The following C14orf180 variants were observed in gnomAD, a reference collection of about 807,000 sequenced individuals.
C14orf180 encodes the protein nutritionally-regulated adipose and cardiac enriched protein homolog.
In C14orf180, 13 loss-of-function variants were observed where a neutral mutation model predicts 13.9. That is an observed-to-expected ratio of 0.94 (90% CI 0.61 to 1.49). The LOEUF (loss-of-function observed/expected upper bound fraction) is 1.49. C14orf180 is among the 40% of genes most tolerant of loss of function. The pLI is 0.00. For missense variants in C14orf180, 238 were observed against 232.0 expected (o/e 1.03, Z -0.17); for synonymous variants, 113 against 106.3 (o/e 1.06, Z -0.39).
chr14:104,582,006 C>T (rs1886454319), intron 1 of C14orf180, among the ~76,000 whole-genome samples: 1 of 152,150 alleles, frequency 6.6e-6, no homozygotes, highest in Non-Finnish European at 1.5e-5. Context: ...GCCGCACGCT[C>T]AGAGCCGAGG....
chr14:104,580,882 C>T lies in C14orf180; in HGVS notation c.-17+879C>T, dbSNP rs180723946. Among the ~76,000 whole-genome samples the T allele has an allele frequency of 1.4e-3, 206 of 152,354 alleles. 1 individual carries two copies. Among genetic ancestry groups the T allele is most frequent in the Non-Finnish European group, 2.2e-3 (150 of 68,026 alleles). ...CTCTCGAGGCCTAGGGTGGCCCCTGCACCCAGCAGATGAGCAGCCATCACC... is the reference window on the plus strand; with the variant it reads ...CTCTCGAGGCCTAGGGTGGCCCCTGTACCCAGCAGATGAGCAGCCATCACC... On this transcript the variant is annotated intron_variant, in intron 1 of 4. Coordinates refer to ENST00000557649, the MANE Select transcript of C14orf180 (RefSeq NM_001008404.3).
Position 104,588,936 on chromosome 14 carries a change from G to A in C14orf180, c.*153G>A, listed in dbSNP as rs1002169519. ...GGCTAACTAGGAAAAGGGGGACCCC[G>A]TGGCGTGAGATCGGACATGGGGGGC... is the stretch of plus-strand genomic sequence containing the variant. On this transcript the variant is annotated 3_prime_UTR_variant, in exon 5 of 5. Transcript: ENST00000557649. 6.1e-5 allele frequency: 87 copies of A among 1,422,448 alleles called. No homozygotes were observed. The highest frequency in any genetic ancestry group is 1.6e-4 in the South Asian group (11 of 67,390). 88.1% of individuals were successfully genotyped at this position (1,422,448 alleles called of 1,614,324 possible).
chr14:104,588,134 T>C (rs555689482), intron 3 of C14orf180, 140 bp from the exon 4 acceptor site: 1 of 1,055,424 alleles, frequency 9.5e-7, no homozygotes, highest in Non-Finnish European at 1.5e-6. Context: ...TTTGAGGAAG[T>C]GTCAGGACCG....
Position 104,585,880 on chromosome 14 carries a change from A to G in C14orf180, c.-16-535A>G, listed in dbSNP as rs58323872. On this transcript the variant is annotated intron_variant, in intron 1 of 4. Transcript: ENST00000557649. ...CCGTGCTGAGGGGTGGGCCCCCAGGAGCCCAGGGGCGCCCCACCAGCACCA... is the reference window on the plus strand; with the variant it reads ...CCGTGCTGAGGGGTGGGCCCCCAGGGGCCCAGGGGCGCCCCACCAGCACCA... Among the ~76,000 whole-genome samples, 647 of 152,186 alleles carry G rather than the reference A, an allele frequency of 4.3e-3. 11 individuals are homozygous for G. Among genetic ancestry groups the G allele is most frequent in the African/African-American group, 0.015 (617 of 41,524 alleles).
chr14:104,588,452 A>G, intron 4 of C14orf180, 126 bp from the exon 5 acceptor site: 2 of 1,484,002 alleles, frequency 1.3e-6, no homozygotes, highest in South Asian at 2.4e-5. Flanking sequence ...AGGAGACCCC[A>G]AGAGGCTAGG....
At chr14:104,588,444 G>A (rs1596291294) in intron 4 of C14orf180, 134 bp from the exon 5 acceptor site, 4 of 1,478,006 alleles carry the variant, frequency 2.7e-6, no homozygotes, top group Admixed American at 3.6e-5. Flanking sequence ...TTGTTGCAAG[G>A]AGACCCCAAG....
rs551533382 is a variant in C14orf180, at chr14:104,589,046, T to C, written c.*263T>C. On this transcript the variant is annotated 3_prime_UTR_variant, in exon 5 of 5. Transcript: ENST00000557649. The surrounding 1 kb of genome is among the most constrained non-coding windows in gnomAD (Gnocchi z 4.9). ...ATGTGAGATTTTATTAGAAAGAGGA[T>C]TCGACTGCTAACAGTTGAGGCTCCC... 4.8e-4 allele frequency: 326 copies of C among 675,042 alleles called. 1 individual carries two copies. In the African/African-American group the frequency reaches 5.2e-3, roughly 11 times the overall value. 41.8% of individuals were successfully genotyped at this position (675,042 alleles called of 1,614,324 possible). A position where few individuals can be genotyped will look rare whatever the true frequency, so the allele number is the denominator to read the frequency against.
At chr14:104,588,548 G>C (rs1886719625) in intron 4 of C14orf180, 30 bp from the exon 5 acceptor site, 2 of 1,442,524 alleles carry the variant, frequency 1.4e-6, no homozygotes, top group African/African-American at 1.4e-5. Context: ...GCGCTGGCTG[G>C]CGCTGACCCT....
intron 1 of C14orf180, among the ~76,000 whole-genome samples, chr14:104,581,842 C>T (rs116843269): frequency 2.0e-5 from 3 of 152,238 alleles, no homozygotes; most frequent in East Asian, 3.9e-4. Flanking sequence ...AGCCTGCACT[C>T]GCTCAGGCCC....
chr14:104,588,601 G>A lies in C14orf180; in HGVS notation c.301G>A (p.Gly101Ser), dbSNP rs774899365. 95 of 1,471,730 alleles carry A rather than the reference G, an allele frequency of 6.5e-5. 1 individual carries two copies. The East Asian group carries it at 7.5e-4, about 12-fold the overall frequency. 91.2% of individuals were successfully genotyped at this position (1,471,730 alleles called of 1,614,324 possible). Residue 101 changes from glycine to serine, a missense_variant, in exon 5 of 5, where the codon GGC (glycine) becomes AGC (serine). Physicochemically the swap from Gly to Ser is moderately conservative, Grantham distance 56. Transcript: ENST00000557649. The part of the protein sequence containing the change: ...VRVPGRPRPH[G>S]GSLLLQLCVC... ...AGTGCCCGGCCGGCCCAGGCCACAC[G>A]GCGGCTCCCTGCTCCTGCAGCTGTG... is the stretch of plus-strand genomic sequence containing the variant.
intron 1 of C14orf180, among the ~76,000 whole-genome samples, chr14:104,585,602 C>T (rs550936317): frequency 5.9e-4 from 89 of 151,936 alleles, no homozygotes; most frequent in African/African-American, 1.9e-3. Flanking sequence ...GAGGAGGGGA[C>T]AGAGAGACAG....
At position 104,589,191 on chromosome 14, in the gene C14orf180, G is replaced by C; in HGVS notation, c.*408G>C. 1 of 349,870 alleles carries C rather than the reference G, an allele frequency of 2.9e-6. No individual in the cohort carries two copies. Among genetic ancestry groups the C allele is most frequent in the East Asian group, 4.5e-5 (1 of 22,342 alleles). The allele number at this position is 349,870 out of a possible 1,614,324, so 21.7% of individuals were successfully genotyped here. ...GGGGGACACACTGCCCGTGTTCAAG[G>C]GGCTGCTCGGAGGAGGCAAACCCAG... is the stretch of plus-strand genomic sequence containing the variant. On this transcript the variant is annotated 3_prime_UTR_variant, in exon 5 of 5. Coordinates refer to ENST00000557649, the MANE Select transcript of C14orf180 (RefSeq NM_001008404.3). This position sits in a 1 kb window ranked among gnomAD's most constrained non-coding sequence, Gnocchi z 4.9.
At chr14:104,580,351 G>C (rs866489544) in intron 1 of C14orf180, among the ~76,000 whole-genome samples, 1 of 152,242 alleles carries the variant, frequency 6.6e-6, no homozygotes, top group South Asian at 2.1e-4. Context: ...CTGAGGCCAG[G>C]CCGCCTCTGG....
At position 104,587,812 on chromosome 14, in the gene C14orf180, G is replaced by T. The variant is rs776406536; in HGVS notation, c.175G>T (p.Glu59Ter). 3 of 1,612,546 alleles carry T rather than the reference G, an allele frequency of 1.9e-6. No homozygotes were observed. The highest frequency in any genetic ancestry group is 2.5e-6 in the Non-Finnish European group (3 of 1,179,596). ...GAGCCGGCCGGAGCACCACCGCCCA[G>T]AGGCCAAGCCCCAGAGGACCTCGAG... ...KRSRPEHHRP[E>*]AKPQRTSRRV... The change falls in exon 3 of 5, where the codon GAG becomes TAG. Residue 59 changes from glutamate (E) to a stop codon, truncating the protein, a stop_gained. Coordinates refer to ENST00000557649, the MANE Select transcript of C14orf180 (RefSeq NM_001008404.3). LOFTEE classifies it high-confidence loss of function.
chr14:104,588,974 C>T lies in C14orf180; in HGVS notation c.*191C>T, dbSNP rs188900899. 120 of 1,227,380 alleles carry T rather than the reference C, an allele frequency of 9.8e-5. No homozygotes were observed. In the East Asian group the frequency reaches 3.1e-3, roughly 32 times the overall value. The allele number at this position is 1,227,380 out of a possible 1,614,324, so 76.0% of individuals were successfully genotyped here. ...GGACATGGGGGGCACAGCAGGCGGC[C>T]CCGCCACACTAGTCAGCACAGCCCT... On this transcript the variant is annotated 3_prime_UTR_variant, in exon 5 of 5. Transcript: ENST00000557649.
At chr14:104,586,006 G>A (rs967057482) in intron 1 of C14orf180, among the ~76,000 whole-genome samples, 3 of 152,208 alleles carry the variant, frequency 2.0e-5, no homozygotes, top group South Asian at 2.1e-4. Context: ...TCCCGCTACC[G>A]AAAGGAGACA....
intron 3 of C14orf180, 48 bp from the exon 4 acceptor site, chr14:104,588,226 A>T (rs2140467698): frequency 6.2e-7 from 1 of 1,612,306 alleles, no homozygotes; most frequent in Non-Finnish European, 8.5e-7. Context: ...GGGGCGCCCG[A>T]TGGACTGAGG....
rs1402671785 is a variant in C14orf180 at position 104,590,176 on chromosome 14, T to C, written c.*1393T>C. 1.3e-5 allele frequency: 2 copies of C among 152,174 alleles called. No individual in the cohort carries two copies. The highest frequency in any genetic ancestry group is 2.9e-5 in the Non-Finnish European group (2 of 68,044). 9.4% of individuals were successfully genotyped at this position (152,174 alleles called of 1,614,324 possible). ...TAACAAAAGGGGCTGTTTCCAGAAG[T>C]GGCCCAGAAGGGACCATGGTGGGGG... On this transcript the variant is annotated 3_prime_UTR_variant, in exon 5 of 5. Transcript: ENST00000557649.
At chr14:104,588,227 T>G (rs1272815187) in intron 3 of C14orf180, 47 bp from the exon 4 acceptor site, 1 of 1,612,402 alleles carries the variant, frequency 6.2e-7, no homozygotes, top group Non-Finnish European at 8.5e-7. Flanking sequence ...GGGCGCCCGA[T>G]GGACTGAGGC....
Sources: gnomAD v4.1 joint callset for allele counts (sites outside exome capture counted in the v4.1 genomes callset) on GRCh38, gnomAD v4.1.1 for gene constraint, Gnocchi (gnomAD v3.1) non-coding constraint, MANE v1.5 for transcripts, NCBI Gene and HGNC (gene_info 2026-07-23, HGNC 2026-07-21) for gene names.